GLCCI1: variants seen among roughly 807,000 people sequenced by gnomAD.
GLCCI1 encodes glucocorticoid induced 1.
A neutral mutation model predicts 52.2 loss-of-function variants in GLCCI1; 24 were observed. The observed-to-expected ratio is 0.46, with a 90% CI of 0.33 to 0.65. The LOEUF (loss-of-function observed/expected upper bound fraction) is 0.65, where lower values mean the gene tolerates loss of function less well. Ranked by LOEUF, GLCCI1 falls within the 30% of genes least tolerant of loss-of-function variation. The probability of loss-of-function intolerance (pLI) is 0.02; values close to 1 mark genes in which losing one functional copy is unlikely to be tolerated. For missense variants in GLCCI1, 704 were observed against 701.5 expected (o/e 1.00, Z -0.04); for synonymous variants, 310 against 276.5 (o/e 1.12, Z -1.20).
chr7:7,987,531 TTCACTC>T (rs767193117), intron 1 of GLCCI1, among the ~76,000 whole-genome samples: 52 of 152,200 alleles, frequency 3.4e-4, no homozygotes, highest in Non-Finnish European at 2.6e-4. Context: ...ATGTTTCTAT[TTCACTC>T]TAACAAATTG....
intron 4 of GLCCI1, among the ~76,000 whole-genome samples, chr7:8,058,110 T>C (rs1782437484): frequency 6.6e-6 from 1 of 152,174 alleles, no homozygotes. Flanking sequence ...AAACTGAAAC[T>C]AGATGACTAG....
At chr7:8,060,325 A>G (rs1355971937) in intron 5 of GLCCI1, 77 bp downstream of exon 5, 3 of 1,134,638 alleles carry the variant, frequency 2.6e-6, no homozygotes, top group Non-Finnish European at 3.8e-6. Context: ...TCTTGGTAAC[A>G]GCTTTGTTAA....
At chr7:8,085,771 C>T (rs529702355) in intron 7 of GLCCI1, among the ~76,000 whole-genome samples, 43 of 152,140 alleles carry the variant, frequency 2.8e-4, no homozygotes, top group African/African-American at 9.4e-4. Context: ...TCTGTGCTAG[C>T]GGAAGTCTAT....
Position 8,022,573 on chromosome 7 carries a change from A to C in GLCCI1, c.696+4A>C. 6.5e-7 allele frequency: 1 copy of C among 1,549,820 alleles called. No individual in the cohort carries two copies. The highest frequency in any genetic ancestry group is 1.2e-5 in the South Asian group (1 of 81,022). ...GAGTGCTGATCAACTAAAAGAGGTA[A>C]GTTATTTCTGTTTTCCGTCTGTAAC... On this transcript the variant is annotated splice_donor_region_variant and intron_variant, in intron 3 of 7. Coordinates refer to ENST00000223145, the MANE Select transcript of GLCCI1 (RefSeq NM_138426.4).
In GLCCI1 at chr7:7,969,730, G is replaced by T. The variant is rs1345588465; in HGVS notation, c.380G>T (p.Arg127Leu). The change falls in exon 1 of 8, where the codon CGC becomes CTC. Residue 127 changes from arginine (R) to leucine (L), a missense_variant. Transcript: ENST00000223145. This position sits in a 1 kb window ranked among gnomAD's most constrained non-coding sequence, Gnocchi z 4.9. ...PAEQAPRAKG[R>L]PRRSPESHRR... ...GAGCAGGCGCCGCGGGCCAAGGGCC[G>T]CCCGAGACGGTCCCCAGAGAGCCAC... The T allele has an allele frequency of 2.1e-6, 3 of 1,437,524 alleles. No individual in the cohort carries two copies. Among genetic ancestry groups the T allele is most frequent in the South Asian group, 2.6e-5 (2 of 78,188 alleles). The allele number at this position is 1,437,524 out of a possible 1,614,324, so 89.0% of individuals were successfully genotyped here. A position where few individuals can be genotyped will look rare whatever the true frequency, so the allele number is the denominator to read the frequency against.
chr7:8,009,533 G>A (rs2115431403), intron 2 of GLCCI1, among the ~76,000 whole-genome samples: 1 of 152,226 alleles, frequency 6.6e-6, no homozygotes, highest in Middle Eastern at 3.4e-3. Context: ...CTACTTCTCT[G>A]CCCACTTGAA....
rs1278563186 is a variant in GLCCI1 at position 7,969,743 on chromosome 7, C to G, written c.393C>G (p.Ser131=). 5 of 1,467,864 alleles carry G rather than the reference C, an allele frequency of 3.4e-6. No homozygotes were observed. The Admixed American group carries it at 1.1e-4, about 33-fold the overall frequency. 90.9% of individuals were successfully genotyped at this position (1,467,864 alleles called of 1,614,324 possible). The change falls in exon 1 of 8, where the codon TCC becomes TCG. Residue 131 remains serine, a synonymous_variant. Transcript: ENST00000223145. The surrounding 1 kb of genome is among the most constrained non-coding windows in gnomAD (Gnocchi z 4.9). ...GGGCCAAGGGCCGCCCGAGACGGTC[C>G]CCAGAGAGCCACCGGAGGAGCAGCT... ...APRAKGRPRR[S]PESHRRSSSP...
At chr7:8,027,304 A>G (rs1021466988) in intron 3 of GLCCI1, among the ~76,000 whole-genome samples, 1 of 152,224 alleles carries the variant, frequency 6.6e-6, no homozygotes, top group Admixed American at 6.5e-5. Context: ...CCTGGCCAAC[A>G]TGGTGAAACT....
intron 2 of GLCCI1, among the ~76,000 whole-genome samples, chr7:8,016,880 A>G (rs759461532): frequency 2.6e-5 from 4 of 152,204 alleles, no homozygotes; most frequent in African/African-American, 9.6e-5. Flanking sequence ...GGACAGGAAA[A>G]GTCTTTATTA....
intron 3 of GLCCI1, among the ~76,000 whole-genome samples, chr7:8,040,223 C>G (rs1032358472): frequency 3.9e-5 from 6 of 151,996 alleles, no homozygotes; most frequent in African/African-American, 1.4e-4. Context: ...TGATGGCCCA[C>G]AACTATAATC....
intron 1 of GLCCI1, chr7:7,981,570 G>A (rs1178374028): frequency 1.0e-5 from 2 of 196,068 alleles, no homozygotes; most frequent in South Asian, 1.8e-4. Context: ...TGATTCACTT[G>A]CCCTGGCCTC....
intron 6 of GLCCI1, among the ~76,000 whole-genome samples, chr7:8,071,588 C>T (rs1392885435): frequency 1.3e-5 from 2 of 152,192 alleles, no homozygotes; most frequent in African/African-American, 4.8e-5. Flanking sequence ...TAGTGAGTAT[C>T]TACAGGACAT....
At position 8,045,778 on chromosome 7, in the gene GLCCI1, G is replaced by C. The variant is rs573724244; in HGVS notation, c.697-9655G>C. ...TTTATGTTAGACCTACTCTGGAGCT[G>C]TGTAACTCCAGAGGTGTGAGTAACC... On this transcript the variant is annotated intron_variant, in intron 3 of 7. Transcript: ENST00000223145. Among the ~76,000 whole-genome samples the C allele has an allele frequency of 3.2e-4, 49 of 152,278 alleles. 2 individuals carry two copies. In the South Asian group the frequency reaches 9.7e-3, roughly 30 times the overall value.
rs1783113104 is a variant in GLCCI1, at chr7:8,086,663, T to G, written c.*125T>G. 2 of 784,150 alleles carry G rather than the reference T, an allele frequency of 2.6e-6. No individual in the cohort carries two copies. The highest frequency in any genetic ancestry group is 4.1e-6 in the Non-Finnish European group (2 of 493,636). The allele number at this position is 784,150 out of a possible 1,614,324, so 48.6% of individuals were successfully genotyped here. ...TAATACTTATCAGCATCATAAAGTA[T>G]CTCTTAAACACTGATCTTGGCAGGG... On this transcript the variant is annotated 3_prime_UTR_variant, in exon 8 of 8. Transcript: ENST00000223145. This position sits in a 1 kb window ranked among gnomAD's most constrained non-coding sequence, Gnocchi z 4.4.
intron 5 of GLCCI1, among the ~76,000 whole-genome samples, chr7:8,060,625 G>C (rs1436626553): frequency 6.6e-6 from 1 of 152,120 alleles, no homozygotes; most frequent in African/African-American, 2.4e-5. Context: ...TTAGCATAGT[G>C]TTTTTAAGGT....
chr7:8,017,688 T>TTA (rs1781406602), intron 2 of GLCCI1, among the ~76,000 whole-genome samples: 1 of 151,332 alleles, frequency 6.6e-6, no homozygotes, highest in Admixed American at 6.6e-5. Flanking sequence ...TCCTAAAGCT[T>TTA]AAAAAAAAAC....
In GLCCI1 at chr7:8,010,531, T is replaced by C. The variant is rs571137606; in HGVS notation, c.609+6472T>C. Among the ~76,000 whole-genome samples, 4 of 152,330 alleles carry C rather than the reference T, an allele frequency of 2.6e-5. No homozygotes were observed. The South Asian group carries it at 6.2e-4, about 24-fold the overall frequency. On this transcript the variant is annotated intron_variant, in intron 2 of 7. Coordinates refer to ENST00000223145, the MANE Select transcript of GLCCI1 (RefSeq NM_138426.4). ...TGCTTAGTGATATATTTATAGACAT[T>C]CTATAATTATCCCAGAATGTTTTTA...
chr7:7,970,216 C>T (rs1179015218), intron 1 of GLCCI1, among the ~76,000 whole-genome samples: 2 of 152,166 alleles, frequency 1.3e-5, no homozygotes, highest in Non-Finnish European at 2.9e-5. Context: ...AAGTTCCTAA[C>T]GTGCCTGTAA....
intron 6 of GLCCI1, among the ~76,000 whole-genome samples, chr7:8,082,476 C>T (rs1783016423): frequency 6.6e-6 from 1 of 152,098 alleles, no homozygotes. Flanking sequence ...TTTACAGTCT[C>T]TCTGATTGCA....
Sources: allele counts gnomAD v4.1 joint callset (sites outside exome capture counted in the v4.1 genomes callset), GRCh38; gene constraint gnomAD v4.1.1; non-coding constraint Gnocchi (gnomAD v3.1); transcripts MANE v1.5; gene names NCBI Gene and HGNC (gene_info 2026-07-23, HGNC 2026-07-21).